MAGI1: variants seen among roughly 807,000 people sequenced by gnomAD.
The protein encoded by MAGI1 is membrane-associated guanylate kinase, WW and PDZ domain-containing protein 1.
MAGI1 carries 58 observed loss-of-function variants against 139.9 expected under a neutral mutation model. The observed-to-expected ratio is 0.41, with a 90% confidence interval of 0.34 to 0.52. The LOEUF is 0.52. Ranked by LOEUF, MAGI1 falls within the 20% of genes least tolerant of loss-of-function variation. MAGI1 has a pLI of 0.12. For missense variants in MAGI1, 1,874 were observed against 1,901.6 expected (o/e 0.99, Z 0.27); for synonymous variants, 812 against 737.9 (o/e 1.10, Z -1.63).
intron 1 of MAGI1, among the ~76,000 whole-genome samples, chr3:65,908,532 C>T (rs1228608359): frequency 6.6e-6 from 1 of 152,198 alleles, no homozygotes; most frequent in Non-Finnish European, 1.5e-5. Flanking sequence ...GATCCACCCG[C>T]CTCGGCCTCC....
intron 1 of MAGI1, chr3:66,009,148 C>T (rs1305616989): frequency 6.6e-6 from 1 of 152,252 alleles, no homozygotes; most frequent in Admixed American, 6.5e-5. Context: ...AAAACACACA[C>T]AAAGATGAAT....
intron 1 of MAGI1, among the ~76,000 whole-genome samples, chr3:65,726,185 G>C (rs1295274504): frequency 1.3e-5 from 2 of 152,156 alleles, no homozygotes; most frequent in Non-Finnish European, 2.9e-5. Flanking sequence ...TCATTGATTA[G>C]ATTTACATTT....
At chr3:65,820,841 T>C (rs1303598160) in intron 1 of MAGI1, among the ~76,000 whole-genome samples, 3 of 152,104 alleles carry the variant, frequency 2.0e-5, no homozygotes, top group Non-Finnish European at 2.9e-5. Context: ...CAGGTCAATA[T>C]CATCCCAGAT....
chr3:65,508,268 G>T (rs997262016), intron 2 of MAGI1, among the ~76,000 whole-genome samples: 1 of 152,024 alleles, frequency 6.6e-6, no homozygotes, highest in Non-Finnish European at 1.5e-5. Flanking sequence ...GCCGGGCGTG[G>T]CAGTGGGCGC....
At chr3:65,631,573 T>A (rs913646490) in intron 1 of MAGI1, among the ~76,000 whole-genome samples, 1 of 149,506 alleles carries the variant, frequency 6.7e-6, no homozygotes, top group Non-Finnish European at 1.5e-5. Context: ...TTTGGAGATA[T>A]TGAAACAAAA....
At chr3:65,444,727 C>G (rs6763617) in intron 7 of MAGI1, among the ~76,000 whole-genome samples, 1 of 151,754 alleles carries the variant, frequency 6.6e-6, no homozygotes. Context: ...AGAAGGTACC[C>G]GTGACTTCTT....
intron 3 of MAGI1, among the ~76,000 whole-genome samples, chr3:65,486,934 A>G (rs1951674971): frequency 6.6e-6 from 1 of 152,232 alleles, no homozygotes; most frequent in African/African-American, 2.4e-5. Flanking sequence ...GAGTTATCTT[A>G]GGAGGATTGT....
At chr3:66,008,065 T>G (rs763680360) in intron 1 of MAGI1, among the ~76,000 whole-genome samples, 1 of 151,850 alleles carries the variant, frequency 6.6e-6, no homozygotes, top group East Asian at 1.9e-4. Flanking sequence ...CCCAGCTAAT[T>G]TGTGTATTTT....
At chr3:65,799,343 A>G (rs1577163570) in intron 1 of MAGI1, among the ~76,000 whole-genome samples, 1 of 152,112 alleles carries the variant, frequency 6.6e-6, no homozygotes, top group African/African-American at 2.4e-5. Context: ...ACCAGGAAGC[A>G]CCGAGCCTAT....
chr3:65,935,834 ACC>A (rs2063024430), intron 1 of MAGI1, among the ~76,000 whole-genome samples: 1 of 152,188 alleles, frequency 6.6e-6, no homozygotes, highest in Non-Finnish European at 1.5e-5. Context: ...AGGAAAATAA[ACC>A]ATTGTGGAAA....
At chr3:65,552,781 T>C (rs2079903980) in intron 2 of MAGI1, among the ~76,000 whole-genome samples, 1 of 152,202 alleles carries the variant, frequency 6.6e-6, no homozygotes, top group East Asian at 1.9e-4. Context: ...AAATCTAACT[T>C]AATTCATTCC....
rs185726137 is a variant in MAGI1, at chr3:66,011,985, C to A, written c.313+26011G>T. 2.0e-3 allele frequency among the ~76,000 whole-genome samples: 304 copies of A among 152,106 alleles called. 5 individuals are homozygous for A. The highest frequency in any genetic ancestry group is 7.0e-3 in the African/African-American group (291 of 41,490). The stretch of plus-strand genomic sequence containing the variant: ...AACTTTTTTAAAGGGCAATAGGATA[C>A]CCAACAGATGTCCAATACTTCCTTT... On this transcript the variant is annotated intron_variant, in intron 1 of 22. Coordinates refer to ENST00000402939, the MANE Select transcript of MAGI1 (RefSeq NM_001033057.2).
chr3:65,461,362 C>T (rs550464693), intron 5 of MAGI1, among the ~76,000 whole-genome samples: 9 of 151,952 alleles, frequency 5.9e-5, no homozygotes, highest in South Asian at 4.2e-4. Context: ...ACTATAGGCT[C>T]GTGCCAATAC....
intron 2 of MAGI1, among the ~76,000 whole-genome samples, chr3:65,567,368 C>T (rs2080714339): frequency 6.6e-6 from 1 of 151,462 alleles, no homozygotes; most frequent in South Asian, 2.1e-4. Flanking sequence ...CCCCCACTGA[C>T]CATGAAAAAA....
chr3:65,465,987 C>T (rs1250103590), intron 5 of MAGI1, among the ~76,000 whole-genome samples: 1 of 152,106 alleles, frequency 6.6e-6, no homozygotes, highest in Non-Finnish European at 1.5e-5. Context: ...CACTGATTCT[C>T]TCCTCTCCCC....
At chr3:65,596,649 C>G (rs969160367) in intron 2 of MAGI1, among the ~76,000 whole-genome samples, 1 of 152,204 alleles carries the variant, frequency 6.6e-6, no homozygotes, top group African/African-American at 2.4e-5. Context: ...CACTCCATTG[C>G]CCCCTGGTAC....
intron 1 of MAGI1, among the ~76,000 whole-genome samples, chr3:65,840,833 C>A (rs1308190583): frequency 1.3e-5 from 2 of 152,098 alleles, no homozygotes; most frequent in African/African-American, 2.4e-5. Flanking sequence ...TCCTCTTCTT[C>A]TATTTTCTGG....
chr3:65,507,167 T>C (rs1440833964), intron 2 of MAGI1, among the ~76,000 whole-genome samples: 3 of 152,216 alleles, frequency 2.0e-5, no homozygotes, highest in East Asian at 3.8e-4. Context: ...GTCTTCATAG[T>C]ATTGAAGAAA....
chr3:65,606,935 G>T (rs1241169739), intron 2 of MAGI1, among the ~76,000 whole-genome samples: 1 of 152,048 alleles, frequency 6.6e-6, no homozygotes, highest in Non-Finnish European at 1.5e-5. Flanking sequence ...TGGGATTATG[G>T]GTGTGAGCCA....
Sources: allele counts gnomAD v4.1 joint callset (sites outside exome capture counted in the v4.1 genomes callset), GRCh38; gene constraint gnomAD v4.1.1; transcripts MANE v1.5; gene names NCBI Gene and HGNC (gene_info 2026-07-23, HGNC 2026-07-21).